ZSCAN5A: variants seen among roughly 807,000 people sequenced by gnomAD.
The protein encoded by ZSCAN5A is zinc finger and SCAN domain containing 5A, also known as zinc finger and SCAN domain-containing protein 5A.
In ZSCAN5A, 12 loss-of-function variants were observed where a neutral mutation model predicts 23.7. That is an observed-to-expected ratio of 0.51 (90% CI 0.32 to 0.82). ZSCAN5A has a LOEUF of 0.82. ZSCAN5A is among the 40% of genes least tolerant of loss of function. ZSCAN5A has a pLI of 0.03. For synonymous variants in ZSCAN5A, 257 were observed against 239.9 expected (o/e 1.07, Z -0.66); for missense variants, 597 against 617.9 (o/e 0.97, Z 0.36).
chr19:56,311,458 TG>T (rs976085469), intron 2 of ZSCAN5A, among the ~76,000 whole-genome samples: 1 of 152,228 alleles, frequency 6.6e-6, no homozygotes, highest in African/African-American at 2.4e-5. Context: ...CAACTAGCTC[TG>T]GGTAGTCACA....
chr19:56,247,744 T>C (rs2036039630), intron 2 of ZSCAN5A, among the ~76,000 whole-genome samples: 1 of 152,222 alleles, frequency 6.6e-6, no homozygotes, highest in South Asian at 2.1e-4. Flanking sequence ...CAGGCTGGAG[T>C]GCAGTGGTGC....
At chr19:56,256,874 C>G (rs1273537042) in intron 2 of ZSCAN5A, among the ~76,000 whole-genome samples, 1 of 151,482 alleles carries the variant, frequency 6.6e-6, no homozygotes, top group East Asian at 1.9e-4. Context: ...ACCTGTTTTG[C>G]GATGGATTAT....
chr19:56,331,286 C>T (rs1367982365), intron 2 of ZSCAN5A, among the ~76,000 whole-genome samples: 1 of 151,866 alleles, frequency 6.6e-6, no homozygotes, highest in African/African-American at 2.4e-5. Context: ...TCAGGCTATT[C>T]TTTGGTTTTA....
chr19:56,244,741 A>C (rs2035727704), intron 2 of ZSCAN5A, among the ~76,000 whole-genome samples: 1 of 150,594 alleles, frequency 6.6e-6, no homozygotes, highest in Admixed American at 6.6e-5. Context: ...GAGGGGGTAC[A>C]GGGACCCACA....
At chr19:56,236,236 T>C (rs369234842) in intron 2 of ZSCAN5A, among the ~76,000 whole-genome samples, 275 of 5,144 alleles carry the variant, frequency 0.053, 17 homozygotes, top group Admixed American at 0.071. Context: ...CAAGCCTCCA[T>C]TCCAGCCTCT....
chr19:56,350,660 C>G (rs976917811), intron 2 of ZSCAN5A, among the ~76,000 whole-genome samples: 29 of 152,194 alleles, frequency 1.9e-4, no homozygotes, highest in East Asian at 5.8e-4. Flanking sequence ...TGGAGGCAAG[C>G]CAGTATTGCA....
At chr19:56,327,139 A>G (rs1032159694) in intron 2 of ZSCAN5A, among the ~76,000 whole-genome samples, 23 of 151,896 alleles carry the variant, frequency 1.5e-4, no homozygotes, top group Non-Finnish European at 3.1e-4. Flanking sequence ...CTATATATAC[A>G]TTAGGTCTCT....
chr19:56,346,717 AT>A lies in ZSCAN5A; in HGVS notation c.-358+16517del, dbSNP rs1038670252. On this transcript the variant is annotated intron_variant, in intron 2 of 6. Transcript: ENST00000587340. The stretch of plus-strand genomic sequence containing the variant: ...TCTCTATTACTTTTTTTTATTTTTT[AT>A]TTTTTTTTTAGACGGAGTCTCGCTC... 1.5e-4 allele frequency among the ~76,000 whole-genome samples: 22 copies of A among 146,812 alleles called. No homozygotes were observed. In the East Asian group the frequency reaches 2.4e-3, roughly 16 times the overall value.
intron 2 of ZSCAN5A, among the ~76,000 whole-genome samples, chr19:56,349,620 G>A (rs1447137606): frequency 2.1e-5 from 3 of 144,836 alleles, no homozygotes; most frequent in African/African-American, 7.8e-5. Context: ...CAGGAGAATC[G>A]CTTGAACCCG....
At chr19:56,285,897 T>C (rs2147107292) in intron 2 of ZSCAN5A, among the ~76,000 whole-genome samples, 1 of 152,370 alleles carries the variant, frequency 6.6e-6, no homozygotes, top group East Asian at 1.9e-4. Flanking sequence ...AAAAGGGAAA[T>C]GGCTGGGTCA....
intron 2 of ZSCAN5A, among the ~76,000 whole-genome samples, chr19:56,324,943 G>A (rs1453088359): frequency 4.6e-5 from 7 of 152,264 alleles, no homozygotes; most frequent in African/African-American, 7.2e-5. Context: ...GAGCCCAGTC[G>A]TGAAGGGCCC....
intron 2 of ZSCAN5A, among the ~76,000 whole-genome samples, chr19:56,277,505 C>T (rs2038352975): frequency 6.8e-6 from 1 of 147,296 alleles, no homozygotes; most frequent in African/African-American, 2.5e-5. Context: ...CATAGAGACA[C>T]AATGGACATT....
intron 1 of ZSCAN5A, among the ~76,000 whole-genome samples, chr19:56,366,962 A>T (rs2041771392): frequency 6.6e-6 from 1 of 152,234 alleles, no homozygotes; most frequent in South Asian, 2.1e-4. Flanking sequence ...ACACAGATTG[A>T]AGATTTTACT....
intron 2 of ZSCAN5A, among the ~76,000 whole-genome samples, chr19:56,308,526 G>A (rs1394111772): frequency 6.6e-6 from 1 of 151,576 alleles, no homozygotes; most frequent in Admixed American, 6.6e-5. Context: ...GTTTCACCAT[G>A]TTGTCCAGGC....
chr19:56,273,297 T>C (rs768216975), intron 2 of ZSCAN5A, among the ~76,000 whole-genome samples: 8 of 152,194 alleles, frequency 5.3e-5, no homozygotes, highest in Non-Finnish European at 7.3e-5. Flanking sequence ...TTACCATAGT[T>C]AGATAATTCT....
rs142494167 is a variant in ZSCAN5A, at chr19:56,264,554, T to C, written c.-127-39381A>G. Among the ~76,000 whole-genome samples, 26 of 152,312 alleles carry C rather than the reference T, an allele frequency of 1.7e-4. 1 individual carries two copies. The East Asian group carries it at 4.8e-3, about 28-fold the overall frequency. On this transcript the variant is annotated intron_variant, in intron 2 of 5. Transcript: ENST00000683990. The stretch of plus-strand genomic sequence containing the variant: ...GAAATCAAGGTAAGATGAGGAAGTG[T>C]TGGGAGACTGGACTATGAAGTATGA...
At position 56,258,446 on chromosome 19, in the gene ZSCAN5A, CAG is replaced by C. The variant is rs1459684110; in HGVS notation, c.-127-33275_-127-33274del. On this transcript the variant is annotated intron_variant, in intron 2 of 5. Coordinates refer to ENST00000683990, the MANE Select transcript of ZSCAN5A (RefSeq NM_001322064.3). ...ACACGCCTTCCAGTGTGGGTGTTGA[CAG>C]ACACACCTTCCAGTGTGGGGGGTGA... is the stretch of plus-strand genomic sequence containing the variant. Among the ~76,000 whole-genome samples the C allele has an allele frequency of 2.2e-5, 3 of 136,856 alleles. No homozygotes were observed. In the East Asian group the frequency reaches 6.2e-4, roughly 28 times the overall value. The allele number at this position is 136,856 out of a possible 152,430, so 89.8% of individuals were successfully genotyped here.
chr19:56,302,723 C>T (rs1218229753), intron 2 of ZSCAN5A: 7 of 374,576 alleles, frequency 1.9e-5, no homozygotes, highest in Non-Finnish European at 3.3e-5. Context: ...TCCCTCCCTC[C>T]CACCTCTAGA....
intron 2 of ZSCAN5A, among the ~76,000 whole-genome samples, chr19:56,341,702 C>CAAAAA (rs1175628460): frequency 0.025 from 1,357 of 53,780 alleles, 56 homozygotes; most frequent in Middle Eastern, 0.04. Context: ...TACCAAAAGG[C>CAAAAA]AAAAAAAAAA....
Sources: allele counts gnomAD v4.1 joint callset (sites outside exome capture counted in the v4.1 genomes callset), GRCh38; gene constraint gnomAD v4.1.1; transcripts MANE v1.5; gene names NCBI Gene and HGNC (gene_info 2026-07-23, HGNC 2026-07-21).